G3BP2: variants seen among roughly 807,000 people sequenced by gnomAD.
G3BP2 encodes ras GTPase-activating protein-binding protein 2.
G3BP2 carries 11 observed loss-of-function variants against 56.7 expected under a neutral mutation model. The ratio of observed to expected loss-of-function variants is 0.19; its 90% CI spans 0.12 to 0.32. The LOEUF (loss-of-function observed/expected upper bound fraction) is 0.32. G3BP2 is among the 10% of genes least tolerant of loss of function. The pLI, the probability that G3BP2 is intolerant of heterozygous loss-of-function variation, is 1.00. For synonymous variants in G3BP2, 165 were observed against 191.6 expected, an observed-to-expected ratio of 0.86 and a Z score of 1.15; for missense variants, 340 against 610.9, an observed-to-expected ratio of 0.56 and a Z score of 4.67.
At chr4:75,669,817 G>T (rs1338473996) in intron 1 of G3BP2, among the ~76,000 whole-genome samples, 2 of 152,220 alleles carry the variant, frequency 1.3e-5, no homozygotes, top group East Asian at 3.8e-4. Context: ...AAGAGGCCGG[G>T]TGCAGTGGCT....
chr4:75,653,106 A>T (rs1184996059), intron 8 of G3BP2, among the ~76,000 whole-genome samples: 15 of 152,072 alleles, frequency 9.9e-5, no homozygotes, highest in Admixed American at 6.6e-5. Flanking sequence ...CCAAATGAAA[A>T]AAAAAAAAAA....
At position 75,658,750 on chromosome 4, in the gene G3BP2, A is replaced by G. The variant is rs185703378; in HGVS notation, c.177+93T>C. 10 of 818,532 alleles carry G rather than the reference A, an allele frequency of 1.2e-5. 1 individual carries two copies. Among genetic ancestry groups the G allele is most frequent in the African/African-American group, 5.2e-5 (3 of 57,942 alleles). The allele number at this position is 818,532 out of a possible 1,614,324, so 50.7% of individuals were successfully genotyped here. A position where few individuals can be genotyped will look rare whatever the true frequency, so the allele number is the denominator to read the frequency against. ...CTCAAAAAAAAAAGAGAAAGAAAGAAAGAAAAAAAAAGCCATGGACACAAG... is the reference window on the plus strand; with the variant it reads ...CTCAAAAAAAAAAGAGAAAGAAAGAGAGAAAAAAAAAGCCATGGACACAAG... On this transcript the variant is annotated intron_variant, in intron 3 of 11. Coordinates refer to ENST00000359707, the MANE Select transcript of G3BP2 (RefSeq NM_203505.3).
intron 3 of G3BP2, among the ~76,000 whole-genome samples, chr4:75,698,247 T>C (rs6531868): frequency 0.88 from 133,197 of 152,096 alleles, 58,345 homozygotes; most frequent in East Asian, 0.91. Context: ...GAGAAGGCTA[T>C]GTGAGGAAGG....
At chr4:75,707,085 G>C (rs368171752) in intron 3 of G3BP2, among the ~76,000 whole-genome samples, 2 of 150,950 alleles carry the variant, frequency 1.3e-5, no homozygotes, top group Non-Finnish European at 3.0e-5. Context: ...CCAGCTACTC[G>C]GGAGGCTGGG....
chr4:75,652,836 T>A (rs1731804800), intron 8 of G3BP2, among the ~76,000 whole-genome samples: 1 of 152,212 alleles, frequency 6.6e-6, no homozygotes, highest in African/African-American at 2.4e-5. Context: ...CTTCACACAA[T>A]GCTTGGCGCA....
chr4:75,650,205 C>T (rs779606420), intron 8 of G3BP2, among the ~76,000 whole-genome samples: 3 of 151,540 alleles, frequency 2.0e-5, no homozygotes, highest in Admixed American at 6.6e-5. Flanking sequence ...GAGGCCGAGG[C>T]GGGCAGATCA....
Position 75,669,718 on chromosome 4 carries a change from C to CA in G3BP2, c.-25+3489dup, listed in dbSNP as rs554091508. Among the ~76,000 whole-genome samples, 16 of 152,356 alleles carry CA rather than the reference C, an allele frequency of 1.1e-4. No individual in the cohort carries two copies. In the South Asian group the frequency reaches 2.9e-3, roughly 28 times the overall value. ...GTCTTACTTCATTCATTCCCATCCACAAGCTGAGTCAATGGGTTATACAAA... is the reference window on the plus strand; with the variant it reads ...GTCTTACTTCATTCATTCCCATCCACAAAGCTGAGTCAATGGGTTATACAAA... On this transcript the variant is annotated intron_variant, in intron 1 of 11. Coordinates refer to ENST00000359707, the MANE Select transcript of G3BP2 (RefSeq NM_203505.3).
intron 11 of G3BP2, 58 bp from the exon 12 acceptor site, chr4:75,645,760 T>C (rs1040073624): frequency 3.4e-6 from 5 of 1,481,044 alleles, no homozygotes; most frequent in Non-Finnish European, 3.7e-6. Flanking sequence ...ATAGAAATGA[T>C]TACTCTGAAC....
intron 3 of G3BP2, among the ~76,000 whole-genome samples, chr4:75,707,848 A>G (rs1345713249): frequency 6.6e-6 from 1 of 152,200 alleles, no homozygotes; most frequent in Non-Finnish European, 1.5e-5. Context: ...AATATTACAC[A>G]TTAATTTTCA....
chr4:75,663,756 A>G (rs1732757590), intron 1 of G3BP2, among the ~76,000 whole-genome samples: 1 of 145,506 alleles, frequency 6.9e-6, no homozygotes, highest in African/African-American at 2.5e-5. Flanking sequence ...GCCACTCCGG[A>G]GGCTGAGGCA....
intron 3 of G3BP2, among the ~76,000 whole-genome samples, chr4:75,688,993 C>G (rs1341957017): frequency 3.9e-5 from 6 of 152,088 alleles, no homozygotes; most frequent in African/African-American, 1.4e-4. Flanking sequence ...AGTCTTTCCT[C>G]CTATTAAACA....
At chr4:75,711,722 A>AATAAT (rs1201058175) in intron 3 of G3BP2, among the ~76,000 whole-genome samples, 2 of 152,072 alleles carry the variant, frequency 1.3e-5, no homozygotes, top group Non-Finnish European at 2.9e-5. Context: ...TCAAAAAATA[A>AATAAT]ATAATATAAT....
chr4:75,657,760 A>G, intron 3 of G3BP2, 30 bp from the exon 4 acceptor site: 1 of 1,327,454 alleles, frequency 7.5e-7, no homozygotes, highest in Non-Finnish European at 1.1e-6. Context: ...AAAAATATAA[A>G]CTCTGTGATA....
At chr4:75,656,822 C>A in intron 5 of G3BP2, 102 bp downstream of exon 5, 2 of 689,806 alleles carry the variant, frequency 2.9e-6, no homozygotes, top group Non-Finnish European at 5.1e-6. Context: ...GACACAGTTA[C>A]AATAAAGCAG....
Position 75,643,249 on chromosome 4 carries a change from C to T in G3BP2, c.*2181G>A, listed in dbSNP as rs1730973309. The T allele has an allele frequency of 7.0e-6, 1 of 142,558 alleles. No homozygotes were observed. The highest frequency in any genetic ancestry group is 2.7e-5 in the African/African-American group (1 of 37,464). The allele number at this position is 142,558 out of a possible 1,614,324, so 8.8% of individuals were successfully genotyped here. ...TTAACATTTGTCATTACTTTTGGTG[C>T]CAGAACAGTTTTCATGGATGGCAGG... On this transcript the variant is annotated 3_prime_UTR_variant, in exon 12 of 12. Coordinates refer to ENST00000359707, the MANE Select transcript of G3BP2 (RefSeq NM_203505.3).
intron 8 of G3BP2, among the ~76,000 whole-genome samples, chr4:75,651,044 G>A (rs1001479947): frequency 5.9e-5 from 9 of 152,130 alleles, no homozygotes; most frequent in African/African-American, 1.9e-4. Context: ...TGAGACCACC[G>A]CTATCTGTAT....
chr4:75,651,316 C>CAG (rs1415834506), intron 8 of G3BP2, among the ~76,000 whole-genome samples: 1 of 152,088 alleles, frequency 6.6e-6, no homozygotes, highest in African/African-American at 2.4e-5. Flanking sequence ...AACTTGAGGC[C>CAG]CTGGTCTTGA....
chr4:75,680,476 A>T (rs1220302425), intron 3 of G3BP2, among the ~76,000 whole-genome samples: 1 of 152,178 alleles, frequency 6.6e-6, no homozygotes, highest in African/African-American at 2.4e-5. Flanking sequence ...AAGATTCTTT[A>T]TGGCATTTAG....
chr4:75,655,907 G>C, intron 5 of G3BP2, 37 bp from the exon 6 acceptor site: 1 of 1,055,568 alleles, frequency 9.5e-7, no homozygotes, highest in Non-Finnish European at 1.5e-6. Flanking sequence ...TTTTTAAAGA[G>C]GCTTCACAAT....
Sources: gnomAD v4.1 joint callset for allele counts (sites outside exome capture counted in the v4.1 genomes callset) on GRCh38, gnomAD v4.1.1 for gene constraint, MANE v1.5 for transcripts, NCBI Gene and HGNC (gene_info 2026-07-23, HGNC 2026-07-21) for gene names.